RGS6: variants seen among roughly 807,000 people sequenced by gnomAD.
The protein encoded by RGS6 is regulator of G protein signaling 6.
In RGS6, 30 loss-of-function variants were observed where a neutral mutation model predicts 78.5. That is an observed-to-expected ratio of 0.38 (90% CI 0.29 to 0.52). The LOEUF is 0.52. Ranked by LOEUF, RGS6 falls within the 20% of genes least tolerant of loss-of-function variation. The probability of loss-of-function intolerance (pLI) is 0.85; values close to 1 mark genes in which losing one functional copy is unlikely to be tolerated. For synonymous variants in RGS6, 206 were observed against 206.0 expected (o/e 1.00, Z 0.00); for missense variants, 495 against 609.7 (o/e 0.81, Z 1.98).
chr14:72,043,563 C>T (rs2092603273), intron 2 of RGS6, among the ~76,000 whole-genome samples: 1 of 152,038 alleles, frequency 6.6e-6, no homozygotes, highest in African/African-American at 2.4e-5. Flanking sequence ...TATTTTTCTC[C>T]ATTCTCTTCT....
At chr14:72,556,973 G>A (rs567958646) in intron 17 of RGS6, among the ~76,000 whole-genome samples, 58 of 152,240 alleles carry the variant, frequency 3.8e-4, no homozygotes, top group South Asian at 2.1e-3. Flanking sequence ...AAGCCCCTGC[G>A]AGAGTTGAGG....
chr14:72,476,912 T>C (rs1381884337), intron 11 of RGS6, 72 bp downstream of exon 11: 2 of 1,337,550 alleles, frequency 1.5e-6, no homozygotes, highest in African/African-American at 1.4e-5. Context: ...AATGTTCAAC[T>C]CTGAAGATTG....
At chr14:72,484,548 G>A (rs1057064380) in intron 12 of RGS6, among the ~76,000 whole-genome samples, 5 of 151,754 alleles carry the variant, frequency 3.3e-5, no homozygotes, top group Non-Finnish European at 4.4e-5. Context: ...GGTGGGGGGC[G>A]GTCACATCTA....
At chr14:72,292,372 C>A (rs1010810533) in intron 2 of RGS6, among the ~76,000 whole-genome samples, 1 of 152,154 alleles carries the variant, frequency 6.6e-6, no homozygotes, top group Non-Finnish European at 1.5e-5. Flanking sequence ...CTCTCACTGC[C>A]AAGGACAGAG....
intron 2 of RGS6, among the ~76,000 whole-genome samples, chr14:71,987,361 A>C (rs147585163): frequency 1.3e-5 from 2 of 152,160 alleles, no homozygotes; most frequent in African/African-American, 4.8e-5. Context: ...AAAGACCTTC[A>C]CAACCTGCTC....
intron 3 of RGS6, among the ~76,000 whole-genome samples, chr14:72,440,646 C>T (rs1263508884): frequency 6.6e-6 from 1 of 152,116 alleles, no homozygotes; most frequent in Non-Finnish European, 1.5e-5. Flanking sequence ...CTCCTGACCT[C>T]AGGTGATCTG....
intron 2 of RGS6, among the ~76,000 whole-genome samples, chr14:72,196,220 T>C (rs1438498950): frequency 1.3e-5 from 2 of 152,170 alleles, no homozygotes; most frequent in Non-Finnish European, 2.9e-5. Context: ...AAGACCACTC[T>C]TGGGGTTCTA....
At chr14:71,986,245 C>G (rs1269901998) in intron 2 of RGS6, among the ~76,000 whole-genome samples, 1 of 152,168 alleles carries the variant, frequency 6.6e-6, no homozygotes, top group Non-Finnish European at 1.5e-5. Context: ...TTTAGGGACC[C>G]TGCATGAAAG....
intron 3 of RGS6, among the ~76,000 whole-genome samples, chr14:72,402,526 G>A (rs1305990223): frequency 6.6e-6 from 1 of 152,004 alleles, no homozygotes; most frequent in Non-Finnish European, 1.5e-5. Flanking sequence ...ACCATCATCA[G>A]GGAAATGCAA....
the RGS6 span, among the ~76,000 whole-genome samples, chr14:71,883,146 T>C: frequency 1.3e-5 from 2 of 152,238 alleles, no homozygotes; most frequent in Admixed American, 6.5e-5. Context: ...TCAGAAAATA[T>C]TTATTAAGTA....
chr14:71,966,955 T>G (rs1457823056), intron 2 of RGS6, among the ~76,000 whole-genome samples: 4 of 151,902 alleles, frequency 2.6e-5, no homozygotes, highest in Non-Finnish European at 5.9e-5. Flanking sequence ...GAATAAGAAA[T>G]GCAAAGGTCA....
chr14:72,436,172 A>G (rs997778340), intron 3 of RGS6, among the ~76,000 whole-genome samples: 10 of 152,182 alleles, frequency 6.6e-5, no homozygotes, highest in Non-Finnish European at 1.2e-4. Context: ...ATGGTAGAAG[A>G]GAAACATTAA....
At chr14:72,396,239 A>T (rs1443610958) in intron 3 of RGS6, among the ~76,000 whole-genome samples, 5 of 152,132 alleles carry the variant, frequency 3.3e-5, no homozygotes. Flanking sequence ...CTGGTGTGAG[A>T]TGGATGGTAT....
chr14:72,109,222 G>A (rs1032058444), intron 2 of RGS6, among the ~76,000 whole-genome samples: 6 of 151,934 alleles, frequency 3.9e-5, no homozygotes, highest in African/African-American at 1.5e-4. Flanking sequence ...GCAGGTGCTG[G>A]CTAATTGTGT....
chr14:72,586,097 C>T, the RGS6 span, among the ~76,000 whole-genome samples: 11 of 152,228 alleles, frequency 7.2e-5, no homozygotes, highest in African/African-American at 2.7e-4. Context: ...CATGGCCTGG[C>T]TCCCACTGAC....
chr14:72,507,665 G>A (rs556619005), intron 13 of RGS6, among the ~76,000 whole-genome samples: 1 of 152,310 alleles, frequency 6.6e-6, no homozygotes, highest in African/African-American at 2.4e-5. Flanking sequence ...TGGAATGAAT[G>A]TGGACTCACC....
chr14:72,057,610 A>G (rs886530331), intron 2 of RGS6, among the ~76,000 whole-genome samples: 3 of 152,294 alleles, frequency 2.0e-5, no homozygotes, highest in Middle Eastern at 3.4e-3. Context: ...TTGCTTTCCT[A>G]TCACCTCCTT....
intron 3 of RGS6, among the ~76,000 whole-genome samples, chr14:72,413,558 C>T (rs2093588191): frequency 6.6e-6 from 1 of 152,122 alleles, no homozygotes; most frequent in Non-Finnish European, 1.5e-5. Flanking sequence ...AGCATTTAGC[C>T]CATTTACATT....
intron 2 of RGS6, among the ~76,000 whole-genome samples, chr14:72,184,159 TCTC>T (rs909511420): frequency 6.6e-6 from 1 of 152,110 alleles, no homozygotes; most frequent in Non-Finnish European, 1.5e-5. Context: ...AGATGTTATT[TCTC>T]CTTCTTGAAG....
Sources: gnomAD v4.1 joint callset for allele counts (sites outside exome capture counted in the v4.1 genomes callset) on GRCh38, gnomAD v4.1.1 for gene constraint, MANE v1.5 for transcripts, NCBI Gene and HGNC (gene_info 2026-07-23, HGNC 2026-07-21) for gene names.